DCAF1: variants seen among roughly 807,000 people sequenced by gnomAD.
The protein encoded by DCAF1 is DDB1 and CUL4 associated factor 1.
A neutral mutation model predicts 128.0 loss-of-function variants in DCAF1; 15 were observed. The observed-to-expected ratio is 0.12, with a 90% CI of 0.08 to 0.18. The LOEUF is 0.18. Ranked by LOEUF, DCAF1 falls within the 10% of genes least tolerant of loss-of-function variation. The pLI, the probability that DCAF1 is intolerant of heterozygous loss-of-function variation, is 1.00. For synonymous variants in DCAF1, 610 were observed against 603.0 expected (o/e 1.01, Z -0.17); for missense variants, 988 against 1,649.5 (o/e 0.60, Z 6.95).
intron 5 of DCAF1, among the ~76,000 whole-genome samples, chr3:51,464,318 G>A (rs1211594215): frequency 6.6e-6 from 1 of 151,890 alleles, no homozygotes; most frequent in African/African-American, 2.4e-5. Flanking sequence ...AGTATTTACT[G>A]AATCTCTAAT....
intron 4 of DCAF1, among the ~76,000 whole-genome samples, chr3:51,469,555 G>T (rs1174619234): frequency 6.6e-6 from 1 of 151,780 alleles, no homozygotes; most frequent in African/African-American, 2.4e-5. Context: ...TCTCCACAAA[G>T]GACTGCTTCA....
At chr3:51,468,133 C>T (rs782353027) in intron 4 of DCAF1, among the ~76,000 whole-genome samples, 2 of 152,130 alleles carry the variant, frequency 1.3e-5, no homozygotes, top group East Asian at 1.9e-4. Flanking sequence ...CATAGCCTAA[C>T]GATAAAAGAA....
At chr3:51,402,013 T>C (rs575200635) in intron 24 of DCAF1, among the ~76,000 whole-genome samples, 2 of 150,574 alleles carry the variant, frequency 1.3e-5, no homozygotes, top group African/African-American at 2.4e-5. Context: ...AGAAGATTCA[T>C]GTACAGCTGC....
At chr3:51,448,294 T>C (rs1012151479) in intron 6 of DCAF1, among the ~76,000 whole-genome samples, 4 of 152,218 alleles carry the variant, frequency 2.6e-5, no homozygotes, top group African/African-American at 9.6e-5. Context: ...TCAACTTCTT[T>C]TGTACTTTTC....
chr3:51,468,637 A>G (rs1188602501), intron 4 of DCAF1, among the ~76,000 whole-genome samples: 4 of 152,130 alleles, frequency 2.6e-5, no homozygotes, highest in African/African-American at 9.7e-5. Context: ...GTAATTCACA[A>G]AAAGAAAGAA....
In DCAF1 at chr3:51,483,068, G is replaced by A. The variant is rs143091982; in HGVS notation, c.110+651C>T. ...GCAGGAGAATTGCTTGAACCCAGGA[G>A]GCGGAGGTTACAGTAAGCTGAGATC... On this transcript the variant is annotated intron_variant, in intron 3 of 24. Coordinates refer to ENST00000684031, the MANE Select transcript of DCAF1 (RefSeq NM_001387579.1). Among the ~76,000 whole-genome samples, 1,389 of 151,498 alleles carry A rather than the reference G, an allele frequency of 9.2e-3. 22 individuals are homozygous for A. Among genetic ancestry groups the A allele is most frequent in the African/African-American group, 0.031 (1,279 of 41,270 alleles).
intron 23 of DCAF1, among the ~76,000 whole-genome samples, chr3:51,404,188 G>A (rs2106891919): frequency 6.6e-6 from 1 of 152,298 alleles, no homozygotes; most frequent in East Asian, 1.9e-4. Flanking sequence ...AGGACACAAA[G>A]ATACCTCTTT....
At chr3:51,422,112 G>GT (rs1273856307) in intron 14 of DCAF1, among the ~76,000 whole-genome samples, 195 bp downstream of exon 14, 1 of 151,042 alleles carries the variant, frequency 6.6e-6, no homozygotes, top group Admixed American at 6.6e-5. Flanking sequence ...TTGTATTTTT[G>GT]TTTTTTGGTT....
chr3:51,499,600 C>G (rs909351657), intron 1 of DCAF1, among the ~76,000 whole-genome samples: 4 of 151,846 alleles, frequency 2.6e-5, no homozygotes, highest in Non-Finnish European at 4.4e-5. Context: ...CCCCCCCACT[C>G]CGGGCGGAAG....
rs1477726548 is a variant in DCAF1, at chr3:51,459,991, G to T, written c.375+3123C>A. On this transcript the variant is annotated intron_variant, in intron 6 of 24. Coordinates refer to ENST00000684031, the MANE Select transcript of DCAF1 (RefSeq NM_001387579.1). ...AACTGGAAGCATTCCCTTTGAAAACGGGCACAAGACAGGGATGCCCTCTCT... is the reference window on the plus strand; with the variant it reads ...AACTGGAAGCATTCCCTTTGAAAACTGGCACAAGACAGGGATGCCCTCTCT... 5.3e-5 allele frequency among the ~76,000 whole-genome samples: 8 copies of T among 152,138 alleles called. No homozygotes were observed. The East Asian group carries it at 5.8e-4, about 11-fold the overall frequency.
In DCAF1 at chr3:51,398,631, G is replaced by A. The variant is rs1306350162; in HGVS notation, c.*138C>T. On this transcript the variant is annotated 3_prime_UTR_variant, in exon 25 of 25. Coordinates refer to ENST00000684031, the MANE Select transcript of DCAF1 (RefSeq NM_001387579.1). ...CTCGGGTGCCAATGAGGCTCTCTAA[G>A]CCATAATCTTCTGAATGCAGGGCAT... 32 of 1,195,488 alleles carry A rather than the reference G, an allele frequency of 2.7e-5. No homozygotes were observed. The highest frequency in any genetic ancestry group is 3.6e-5 in the Non-Finnish European group (31 of 860,320). 74.1% of individuals were successfully genotyped at this position (1,195,488 alleles called of 1,614,324 possible).
At chr3:51,429,996 C>G in intron 11 of DCAF1, 37 bp downstream of exon 11, 1 of 774,934 alleles carries the variant, frequency 1.3e-6, no homozygotes. Flanking sequence ...AACCAGGACC[C>G]TCAATCCTAG....
intron 4 of DCAF1, among the ~76,000 whole-genome samples, chr3:51,469,853 T>C (rs1553647868): frequency 6.6e-6 from 1 of 151,840 alleles, no homozygotes. Flanking sequence ...AAACCCCTTC[T>C]CTATTAAAAG....
At chr3:51,405,738 C>A (rs1265631124) in intron 23 of DCAF1, among the ~76,000 whole-genome samples, 3 of 152,274 alleles carry the variant, frequency 2.0e-5, no homozygotes, top group Non-Finnish European at 4.4e-5. Context: ...AAAAGAGATT[C>A]TAGGAAGCAA....
intron 12 of DCAF1, among the ~76,000 whole-genome samples, chr3:51,428,558 G>A (rs1352819289): frequency 1.3e-5 from 2 of 151,872 alleles, no homozygotes; most frequent in Non-Finnish European, 2.9e-5. Context: ...GAAATCTGCT[G>A]GTGATTTTTT....
chr3:51,441,316 CCATAA>C, intron 8 of DCAF1, 64 bp downstream of exon 8: 1 of 1,495,092 alleles, frequency 6.7e-7, no homozygotes, highest in African/African-American at 1.4e-5. Context: ...TAAAATACTA[CCATAA>C]AATACCACAG....
Position 51,478,376 on chromosome 3 carries a change from T to C in DCAF1, c.110+5343A>G, listed in dbSNP as rs557257626. ...GCCCCCCTCTATTTTAGGCTTTGCA[T>C]GGCTGAAGAGCATAGCATAGTGAAA... On this transcript the variant is annotated intron_variant, in intron 3 of 24. Coordinates refer to ENST00000684031, the MANE Select transcript of DCAF1 (RefSeq NM_001387579.1). Among the ~76,000 whole-genome samples the C allele has an allele frequency of 9.8e-5, 15 of 152,322 alleles. No individual in the cohort carries two copies. The South Asian group carries it at 2.9e-3, about 29-fold the overall frequency.
At position 51,398,518 on chromosome 3, in the gene DCAF1, G is replaced by C. The variant is rs1465682442; in HGVS notation, c.*251C>G. ...CCCTTGAAAGATATGTCCATCCTAG[G>C]AAATGGTGGGGGGTGGATGTGGGGG... On this transcript the variant is annotated 3_prime_UTR_variant, in exon 25 of 25. Transcript: ENST00000684031. The C allele has an allele frequency of 2.3e-6, 1 of 442,216 alleles. No individual in the cohort carries two copies. Among genetic ancestry groups the C allele is most frequent in the African/African-American group, 2.0e-5 (1 of 48,936 alleles). The allele number at this position is 442,216 out of a possible 1,614,324, so 27.4% of individuals were successfully genotyped here. A position where few individuals can be genotyped will look rare whatever the true frequency, so the allele number is the denominator to read the frequency against.
intron 24 of DCAF1, 39 bp downstream of exon 24, chr3:51,403,103 TG>T (rs1553625433): frequency 6.4e-7 from 1 of 1,567,724 alleles, no homozygotes. Context: ...GATCTTGCCC[TG>T]GGTGCCAAGG....
Sources: allele counts gnomAD v4.1 joint callset (sites outside exome capture counted in the v4.1 genomes callset), GRCh38; gene constraint gnomAD v4.1.1; transcripts MANE v1.5; gene names NCBI Gene and HGNC (gene_info 2026-07-23, HGNC 2026-07-21).